Variants in CDH23 observed in about 807,000 individuals in gnomAD.
The protein encoded by CDH23 is cadherin related 23, also known as cadherin-23.
A neutral mutation model predicts 317.1 loss-of-function variants in CDH23; 189 were observed. That is an observed-to-expected ratio of 0.60 (90% CI 0.53 to 0.67). The LOEUF (loss-of-function observed/expected upper bound fraction) is 0.67, where lower values mean the gene tolerates loss of function less well. Among genes scored for constraint, CDH23 ranks in the 30% least tolerant of loss-of-function variants. The pLI, the probability that CDH23 is intolerant of heterozygous loss-of-function variation, is 0.00. For missense variants in CDH23, 4,401 were observed against 4,592.4 expected (o/e 0.96, Z 1.20); for synonymous variants, 1,839 against 1,876.8 (o/e 0.98, Z 0.52).
intron 3 of CDH23, among the ~76,000 whole-genome samples, chr10:71,505,122 T>G (rs12778790): frequency 0.28 from 43,085 of 152,038 alleles, 6,877 homozygotes; most frequent in Non-Finnish European, 0.34. Flanking sequence ...AGAAGCTTAC[T>G]GGGGAGGAGG....
At chr10:71,764,499 T>C (rs1397429610) in intron 38 of CDH23, among the ~76,000 whole-genome samples, 1 of 152,208 alleles carries the variant, frequency 6.6e-6, no homozygotes, top group Non-Finnish European at 1.5e-5. Flanking sequence ...TTTCTTGAGA[T>C]GGCAACATTT....
At chr10:71,464,446 G>A (rs556260052) in intron 3 of CDH23, among the ~76,000 whole-genome samples, 1 of 152,312 alleles carries the variant, frequency 6.6e-6, no homozygotes, top group Non-Finnish European at 1.5e-5. Flanking sequence ...TGCAGGGATG[G>A]AGAAGATGGT....
At position 71,793,376 on chromosome 10, in the gene CDH23, G is replaced by T. The variant is rs1841315873; in HGVS notation, c.6448G>T (p.Gly2150Cys). The part of the protein sequence containing the change: ...YRLTVVATDR[G>C]TVPLSGTAIV... ...GCTAACGGTGGTGGCCACCGACCGG[G>T]GCACCGTTCCTCTCTCGGGCACAGC... Residue 2150 changes from glycine (G) to cysteine (C), a missense_variant, in exon 48 of 70, where the codon GGC becomes TGC. Gly to Cys is a radical substitution (Grantham distance 159). Transcript: ENST00000224721. 6.2e-7 allele frequency: 1 copy of T among 1,613,720 alleles called. No individual in the cohort carries two copies. The highest frequency in any genetic ancestry group is 1.7e-5 in the Admixed American group (1 of 59,978).
chr10:71,528,890 G>A (rs1855196586), intron 6 of CDH23, among the ~76,000 whole-genome samples: 1 of 152,198 alleles, frequency 6.6e-6, no homozygotes, highest in African/African-American at 2.4e-5. Context: ...GCAGGGGGAT[G>A]GGGCACTGCA....
At chr10:71,612,290 G>T (rs1324429063) in intron 9 of CDH23, among the ~76,000 whole-genome samples, 1 of 151,994 alleles carries the variant, frequency 6.6e-6, no homozygotes, top group Non-Finnish European at 1.5e-5. Context: ...TGTGGACTGT[G>T]TGGGGGGTAC....
rs540895298 is a variant in CDH23 at position 71,525,353 on chromosome 10, G to A, written c.429+14141G>A. On this transcript the variant is annotated intron_variant, in intron 6 of 69. Transcript: ENST00000224721. ...GAAACTGACTCAAGGTGCTTTGGAG[G>A]CAGAGCAGTGGGACATGTGTTCTAA... Among the ~76,000 whole-genome samples, 5 of 152,314 alleles carry A rather than the reference G, an allele frequency of 3.3e-5. No homozygotes were observed. In the South Asian group the frequency reaches 1.0e-3, roughly 32 times the overall value.
chr10:71,755,379 C>G, intron 38 of CDH23: 1 of 1,612,396 alleles, frequency 6.2e-7, no homozygotes, highest in East Asian at 2.2e-5. Context: ...GGCTGCCTGC[C>G]TTTGCTTGTA....
intron 9 of CDH23, among the ~76,000 whole-genome samples, chr10:71,590,365 G>A (rs1859383035): frequency 1.3e-5 from 2 of 152,296 alleles, no homozygotes; most frequent in South Asian, 4.1e-4. Context: ...ACCACTTGAA[G>A]GCATTTCTTT....
At chr10:71,717,735 T>C (rs1866343172) in intron 28 of CDH23, 1 of 152,224 alleles carries the variant, frequency 6.6e-6, no homozygotes. Flanking sequence ...AGGCCCAGTG[T>C]GGTCAGCTCT....
chr10:71,653,471 T>A (rs898755354), intron 14 of CDH23, among the ~76,000 whole-genome samples: 2 of 152,204 alleles, frequency 1.3e-5, no homozygotes, highest in African/African-American at 4.8e-5. Context: ...TAACATGGGT[T>A]CTACTCAAGG....
At chr10:71,620,080 G>C (rs1463195012) in intron 11 of CDH23, among the ~76,000 whole-genome samples, 1 of 152,212 alleles carries the variant, frequency 6.6e-6, no homozygotes, top group Non-Finnish European at 1.5e-5. Context: ...CCTACCCCGT[G>C]TAGTGGCTGA....
intron 3 of CDH23, among the ~76,000 whole-genome samples, chr10:71,469,183 G>A (rs1259326793): frequency 6.6e-6 from 1 of 152,210 alleles, no homozygotes; most frequent in Non-Finnish European, 1.5e-5. Flanking sequence ...CACTTAAAGT[G>A]TATAATGGAT....
chr10:71,775,014 C>T (rs1007970863), intron 38 of CDH23, among the ~76,000 whole-genome samples: 1 of 152,206 alleles, frequency 6.6e-6, no homozygotes, highest in Non-Finnish European at 1.5e-5. Flanking sequence ...GCCCAGTCCC[C>T]CTGGAGCCAG....
intron 3 of CDH23, among the ~76,000 whole-genome samples, chr10:71,458,111 G>A (rs1850789076): frequency 6.6e-6 from 1 of 152,242 alleles, no homozygotes; most frequent in Non-Finnish European, 1.5e-5. Flanking sequence ...CGGGCAGGCA[G>A]AGCCGACTTT....
intron 64 of CDH23, 33 bp from the exon 65 acceptor site, chr10:71,811,680 C>T (rs370906067): frequency 2.2e-5 from 36 of 1,613,296 alleles, no homozygotes; most frequent in Non-Finnish European, 2.8e-5. Flanking sequence ...TCAGCTTGGC[C>T]CCCCTCACCA....
chr10:71,507,995 C>T (rs1853741302), intron 3 of CDH23, among the ~76,000 whole-genome samples: 2 of 152,322 alleles, frequency 1.3e-5, no homozygotes, highest in African/African-American at 2.4e-5. Context: ...CTGAAGATGT[C>T]CCAGGATTTT....
intron 3 of CDH23, among the ~76,000 whole-genome samples, chr10:71,475,521 G>A (rs1222526570): frequency 6.6e-6 from 1 of 152,178 alleles, no homozygotes; most frequent in Non-Finnish European, 1.5e-5. Context: ...AACTTTGGGG[G>A]AAGAGCCTTC....
At chr10:71,663,996 G>A (rs1375914654) in intron 14 of CDH23, among the ~76,000 whole-genome samples, 1 of 117,100 alleles carries the variant, frequency 8.5e-6, no homozygotes, top group African/African-American at 3.6e-5. Flanking sequence ...GTGAGACTCT[G>A]TCTCAAAAAA....
In CDH23 at chr10:71,397,157, G is replaced by A; in HGVS notation, c.-167G>A. 1 of 208,906 alleles carries A rather than the reference G, an allele frequency of 4.8e-6. No homozygotes were observed. The highest frequency in any genetic ancestry group is 9.6e-6 in the Non-Finnish European group (1 of 104,572). The allele number at this position is 208,906 out of a possible 1,614,324, so 12.9% of individuals were successfully genotyped here. A position where few individuals can be genotyped will look rare whatever the true frequency, so the allele number is the denominator to read the frequency against. On this transcript the variant is annotated 5_prime_UTR_variant, in exon 1 of 70. Coordinates refer to ENST00000224721, the MANE Select transcript of CDH23 (RefSeq NM_022124.6). The surrounding 1 kb of genome is among the most constrained non-coding windows in gnomAD (Gnocchi z 4.8). ...GCGAGCGGCGAGCGGCGAGCGGCCC[G>A]CGGAGACCCAGGAGCTGCCGGCACG...
Sources: gnomAD v4.1 joint callset for allele counts (sites outside exome capture counted in the v4.1 genomes callset) on GRCh38, gnomAD v4.1.1 for gene constraint, Gnocchi (gnomAD v3.1) non-coding constraint, MANE v1.5 for transcripts, NCBI Gene and HGNC (gene_info 2026-07-23, HGNC 2026-07-21) for gene names.